The following PCDH15 variants were observed in gnomAD, a reference collection of about 807,000 sequenced individuals.
PCDH15 encodes the protein protocadherin related 15.
Under a neutral mutation model 178.5 loss-of-function variants are expected in PCDH15, and 129 were observed. That is an observed-to-expected ratio of 0.72 (90% confidence interval 0.63 to 0.84). The LOEUF is 0.84. Among genes scored for constraint, PCDH15 ranks in the 40% least tolerant of loss-of-function variants. The pLI is 0.00. For missense variants in PCDH15, 2,230 were observed against 2,099.9 expected, an observed-to-expected ratio of 1.06 and a Z score of -1.21; for synonymous variants, 800 against 732.0, an observed-to-expected ratio of 1.09 and a Z score of -1.50.
chr10:55,354,980 G>A (rs1845039833), intron 2 of PCDH15, among the ~76,000 whole-genome samples: 1 of 151,898 alleles, frequency 6.6e-6, no homozygotes, highest in South Asian at 2.1e-4. Flanking sequence ...TTTTGATAAT[G>A]TCATTTAAAT....
intron 1 of PCDH15, among the ~76,000 whole-genome samples, chr10:55,281,961 T>G: frequency 6.6e-6 from 1 of 152,192 alleles, no homozygotes; most frequent in East Asian, 1.9e-4. Flanking sequence ...CTCCTTAGTC[T>G]AAATTACCAT....
chr10:54,332,368 A>ATATAATAT (rs1939972632), intron 6 of PCDH15, among the ~76,000 whole-genome samples: 1 of 97,428 alleles, frequency 1.0e-5, no homozygotes, highest in Non-Finnish European at 2.1e-5. Context: ...AATCTATATT[A>ATATAATAT]TATATATAAT....
At chr10:54,126,345 C>T (rs1162252047) in intron 15 of PCDH15, among the ~76,000 whole-genome samples, 1 of 152,000 alleles carries the variant, frequency 6.6e-6, no homozygotes, top group East Asian at 1.9e-4. Flanking sequence ...CTTTTTTCTA[C>T]ATTTCAAACT....
chr10:55,328,033 A>G (rs145033027), intron 2 of PCDH15, among the ~76,000 whole-genome samples: 5 of 152,164 alleles, frequency 3.3e-5, no homozygotes, highest in East Asian at 1.9e-4. Context: ...CAACTTTTTT[A>G]TATGAAATAC....
chr10:55,538,393 CCTTT>C (rs1323266875), intron 2 of PCDH15, among the ~76,000 whole-genome samples: 42 of 143,710 alleles, frequency 2.9e-4, no homozygotes, highest in African/African-American at 1.0e-3. Context: ...TTCCTTCCTT[CCTTT>C]CTTCCTTCCT....
intron 8 of PCDH15, among the ~76,000 whole-genome samples, chr10:54,311,553 T>C (rs947383650): frequency 6.6e-6 from 1 of 152,000 alleles, no homozygotes; most frequent in African/African-American, 2.4e-5. Context: ...TACATAATAA[T>C]ATATCTGGGC....
chr10:55,070,223 T>A (rs1440883622), intron 2 of PCDH15, among the ~76,000 whole-genome samples: 1 of 152,204 alleles, frequency 6.6e-6, no homozygotes, highest in East Asian at 1.9e-4. Flanking sequence ...TTCCATTCTG[T>A]AGGTTACCTG....
At chr10:54,599,195 T>G (rs2134048580) in intron 2 of PCDH15, among the ~76,000 whole-genome samples, 1 of 151,958 alleles carries the variant, frequency 6.6e-6, no homozygotes, top group Non-Finnish European at 1.5e-5. Flanking sequence ...GCCCAAATAA[T>G]CAAGGGAATC....
intron 1 of PCDH15, among the ~76,000 whole-genome samples, chr10:55,307,521 A>T (rs956277934): frequency 6.6e-6 from 1 of 151,828 alleles, no homozygotes; most frequent in African/African-American, 2.4e-5. Flanking sequence ...AAAAAAAAAA[A>T]TTATATTTTC....
chr10:54,624,291 T>C (rs1177902464), intron 2 of PCDH15, among the ~76,000 whole-genome samples: 4 of 152,124 alleles, frequency 2.6e-5, no homozygotes, highest in Non-Finnish European at 5.9e-5. Flanking sequence ...AAAAGGGAAG[T>C]GTGATGAAAA....
chr10:55,289,281 G>A (rs1375325777), intron 1 of PCDH15, among the ~76,000 whole-genome samples: 3 of 151,796 alleles, frequency 2.0e-5, no homozygotes, highest in Non-Finnish European at 4.4e-5. Flanking sequence ...ACCATTTTAT[G>A]TTTATGAGAA....
At chr10:54,889,979 A>T (rs972523012) in intron 3 of PCDH15, among the ~76,000 whole-genome samples, 1 of 152,010 alleles carries the variant, frequency 6.6e-6, no homozygotes, top group Non-Finnish European at 1.5e-5. Context: ...CTTTTTATTT[A>T]TTAAATGATA....
chr10:55,081,590 ATGAG>A (rs1419478063), intron 2 of PCDH15, among the ~76,000 whole-genome samples: 1 of 152,164 alleles, frequency 6.6e-6, no homozygotes, highest in African/African-American at 2.4e-5. Flanking sequence ...CGGAGCCCTC[ATGAG>A]TGTTATTAGT....
chr10:54,537,122 C>T (rs908712091), intron 2 of PCDH15, among the ~76,000 whole-genome samples: 12 of 151,204 alleles, frequency 7.9e-5, no homozygotes, highest in Non-Finnish European at 1.3e-4. Flanking sequence ...CCTCAGCCTC[C>T]CGAGTAGCTG....
At chr10:54,555,140 C>T (rs2133249148) in intron 2 of PCDH15, among the ~76,000 whole-genome samples, 1 of 152,286 alleles carries the variant, frequency 6.6e-6, no homozygotes, top group East Asian at 1.9e-4. Flanking sequence ...TTTCTCTAAA[C>T]ATTAACAGAC....
intron 2 of PCDH15, among the ~76,000 whole-genome samples, chr10:54,556,303 C>T (rs2087253717): frequency 6.6e-6 from 1 of 152,170 alleles, no homozygotes; most frequent in Non-Finnish European, 1.5e-5. Flanking sequence ...GACAGTTTTA[C>T]TGCAGAAGTG....
In PCDH15 at chr10:54,368,073, G is replaced by A. The variant is rs185282812; in HGVS notation, c.474+1047C>T. Reference sequence around the variant, plus strand: ...GACTCAAAGAGGTGAAGCATTTATCGACCAGTAATTCGTCTTGTTAAATTT... The same window carrying A: ...GACTCAAAGAGGTGAAGCATTTATCAACCAGTAATTCGTCTTGTTAAATTT... On this transcript the variant is annotated intron_variant, in intron 5 of 37. Coordinates refer to ENST00000644397, the MANE Select transcript of PCDH15 (RefSeq NM_001384140.1). Among the ~76,000 whole-genome samples, 278 of 151,852 alleles carry A rather than the reference G, an allele frequency of 1.8e-3. 2 individuals are homozygous for A. Among genetic ancestry groups the A allele is most frequent in the Admixed American group, 8.1e-3 (123 of 15,200 alleles).
chr10:54,590,966 A>C (rs928145964), intron 2 of PCDH15, among the ~76,000 whole-genome samples: 7 of 152,200 alleles, frequency 4.6e-5, no homozygotes, highest in Admixed American at 3.3e-4. Context: ...TGTAGTTGGT[A>C]AACATTCAAT....
intron 2 of PCDH15, among the ~76,000 whole-genome samples, chr10:54,923,892 C>T (rs181611792): frequency 1.4e-5 from 2 of 137,962 alleles, no homozygotes; most frequent in East Asian, 4.0e-4. Flanking sequence ...TCACCATTAC[C>T]CAGTTCAAAA....
Sources: gnomAD v4.1 joint callset for allele counts (sites outside exome capture counted in the v4.1 genomes callset) on GRCh38, gnomAD v4.1.1 for gene constraint, MANE v1.5 for transcripts, NCBI Gene and HGNC (gene_info 2026-07-23, HGNC 2026-07-21) for gene names.